Variants in IL1RAPL2 observed in about 807,000 individuals in gnomAD.
The protein encoded by IL1RAPL2 is interleukin 1 receptor accessory protein like 2, also known as X-linked interleukin-1 receptor accessory protein-like 2.
In IL1RAPL2, 3 loss-of-function variants were observed where a neutral mutation model predicts 44.1. The ratio of observed to expected loss-of-function variants is 0.07; its 90% CI spans 0.03 to 0.18. IL1RAPL2 has a LOEUF of 0.18. Ranked by LOEUF, IL1RAPL2 falls within the 10% of genes least tolerant of loss-of-function variation. The pLI is 1.00. For synonymous variants in IL1RAPL2, 181 were observed against 178.8 expected (o/e 1.01, Z -0.10); for missense variants, 391 against 496.4 (o/e 0.79, Z 2.02).
intron 3 of IL1RAPL2, among the ~76,000 whole-genome samples, chrX:105,197,124 C>T (rs1295259750): frequency 9.0e-6 from 1 of 110,856 alleles, no homozygotes; most frequent in East Asian, 2.8e-4. Flanking sequence ...TGAGTTTAGT[C>T]TCTGTTTGTG....
chrX:105,087,182 G>A (rs1057486816), intron 2 of IL1RAPL2, among the ~76,000 whole-genome samples: 5 of 111,343 alleles, frequency 4.5e-5, no homozygotes, highest in Non-Finnish European at 3.8e-5. Context: ...ACTAATTTTG[G>A]ATCTTCATCC....
intron 3 of IL1RAPL2, among the ~76,000 whole-genome samples, chrX:105,231,915 T>C (rs1444392371): frequency 8.9e-6 from 1 of 112,298 alleles, no homozygotes; most frequent in Non-Finnish European, 1.9e-5. Context: ...CCTTCTTCTC[T>C]GAGATTACTA....
chrX:104,680,433 G>T (rs1383203436), intron 2 of IL1RAPL2, among the ~76,000 whole-genome samples: 1 of 111,110 alleles, frequency 9.0e-6, no homozygotes, highest in Non-Finnish European at 1.9e-5. Context: ...CTCAATCAGG[G>T]ATAACTTTAT....
At chrX:105,140,090 T>G (rs2033113311) in intron 2 of IL1RAPL2, among the ~76,000 whole-genome samples, 1 of 112,224 alleles carries the variant, frequency 8.9e-6, no homozygotes, top group Non-Finnish European at 1.9e-5. Flanking sequence ...CTGAGGAAGT[T>G]TATAGTTCAA....
Position 104,592,147 on chromosome X carries a change from G to A in IL1RAPL2, c.-20+25096G>A, listed in dbSNP as rs12556831. Among the ~76,000 whole-genome samples, 61 of 39,967 alleles carry A rather than the reference G, an allele frequency of 1.5e-3. 1 individual carries two copies. The highest frequency in any genetic ancestry group is 2.1e-3 in the Non-Finnish European group (49 of 23,556). The allele number at this position is 39,967 out of a possible 115,157, so 34.7% of individuals were successfully genotyped here. On this transcript the variant is annotated intron_variant, in intron 1 of 10. Coordinates refer to ENST00000372582, the MANE Select transcript of IL1RAPL2 (RefSeq NM_017416.2). ...ATGATTTTTTTTAATGCCCGTATAT[G>A]TGTGTGTGTGTGTGTGTGTGTGTGT...
intron 1 of IL1RAPL2, chrX:104,647,452 C>A (rs1930063251): frequency 3.3e-6 from 2 of 608,675 alleles, no homozygotes; most frequent in Non-Finnish European, 5.6e-6. Flanking sequence ...CTTTGGCTTC[C>A]ACTGCTTCTG....
intron 5 of IL1RAPL2, among the ~76,000 whole-genome samples, chrX:105,314,586 C>A (rs1413280315): frequency 1.8e-5 from 2 of 111,492 alleles, no homozygotes; most frequent in Admixed American, 9.6e-5. Context: ...TTATACCACA[C>A]CTAATTTCCC....
intron 6 of IL1RAPL2, among the ~76,000 whole-genome samples, chrX:105,577,614 T>C (rs1444722965): frequency 9.0e-6 from 1 of 110,787 alleles, no homozygotes; most frequent in Non-Finnish European, 1.9e-5. Flanking sequence ...ATTGACAGCA[T>C]ATTTTCCAGA....
chrX:105,729,092 T>TTGTC (rs1349646830), intron 7 of IL1RAPL2, among the ~76,000 whole-genome samples: 1 of 111,471 alleles, frequency 9.0e-6, no homozygotes, highest in African/African-American at 3.3e-5. Flanking sequence ...TAATATTTTA[T>TTGTC]TGTCTGGATG....
In IL1RAPL2 at chrX:105,245,807, A is replaced by G. The variant is rs779949623; in HGVS notation, c.543+11803A>G. Among the ~76,000 whole-genome samples, 5 of 112,605 alleles carry G rather than the reference A, an allele frequency of 4.4e-5. No homozygotes were observed. The East Asian group carries it at 1.4e-3, about 32-fold the overall frequency. On this transcript the variant is annotated intron_variant, in intron 4 of 10. Transcript: ENST00000372582. Reference sequence around the variant, plus strand: ...ACACTTTGGAGTGAAACACTCATCTATGTGATTAGTTACCTCAGTTGGTAA... The same window carrying G: ...ACACTTTGGAGTGAAACACTCATCTGTGTGATTAGTTACCTCAGTTGGTAA...
intron 5 of IL1RAPL2, among the ~76,000 whole-genome samples, chrX:105,409,444 C>A (rs1430230746): frequency 8.9e-6 from 1 of 111,772 alleles, no homozygotes; most frequent in African/African-American, 3.3e-5. Context: ...CATCTCTGCT[C>A]TCACAAAGAT....
chrX:104,896,514 G>T (rs1262537282), intron 2 of IL1RAPL2, among the ~76,000 whole-genome samples: 1 of 111,664 alleles, frequency 9.0e-6, no homozygotes, highest in Non-Finnish European at 1.9e-5. Flanking sequence ...AGGCAGCTGG[G>T]CTTCTGGGTT....
At chrX:105,662,113 A>G (rs1367514594) in intron 6 of IL1RAPL2, among the ~76,000 whole-genome samples, 3 of 112,109 alleles carry the variant, frequency 2.7e-5, no homozygotes, top group South Asian at 3.7e-4. Context: ...AAAATCTTCA[A>G]TCAGTGTTTA....
chrX:105,254,253 A>G (rs1249799816), intron 4 of IL1RAPL2, among the ~76,000 whole-genome samples: 1 of 111,853 alleles, frequency 8.9e-6, no homozygotes, highest in Non-Finnish European at 1.9e-5. Context: ...TCCGACTAGT[A>G]TGAGATAGTA....
At chrX:104,967,369 GA>G (rs1429985866) in intron 2 of IL1RAPL2, among the ~76,000 whole-genome samples, 2 of 110,723 alleles carry the variant, frequency 1.8e-5, no homozygotes, top group Non-Finnish European at 3.8e-5. Flanking sequence ...AGTGAAAGAT[GA>G]AAAAAAGTAC....
intron 2 of IL1RAPL2, among the ~76,000 whole-genome samples, chrX:105,081,787 C>A: frequency 8.9e-6 from 1 of 111,843 alleles, no homozygotes. Flanking sequence ...TATTGATTTG[C>A]ATATGTTGAA....
chrX:104,588,951 T>C (rs758553113), intron 1 of IL1RAPL2, among the ~76,000 whole-genome samples: 15 of 112,158 alleles, frequency 1.3e-4, no homozygotes, highest in Non-Finnish European at 2.6e-4. Context: ...GTTTAGTTTC[T>C]TCATTTTTGT....
intron 5 of IL1RAPL2, among the ~76,000 whole-genome samples, chrX:105,335,074 A>G (rs183342945): frequency 1.3e-3 from 148 of 111,136 alleles, no homozygotes; most frequent in Middle Eastern, 9.3e-3. Flanking sequence ...TAAACCTGTG[A>G]CTGCTCAGGC....
At chrX:104,704,530 A>G (rs1194899547) in intron 2 of IL1RAPL2, among the ~76,000 whole-genome samples, 1 of 111,536 alleles carries the variant, frequency 9.0e-6, no homozygotes, top group East Asian at 2.8e-4. Context: ...ATTATCTGCT[A>G]TAATGGACTG....
Sources: allele counts gnomAD v4.1 joint callset (sites outside exome capture counted in the v4.1 genomes callset), GRCh38; gene constraint gnomAD v4.1.1; transcripts MANE v1.5; gene names NCBI Gene and HGNC (gene_info 2026-07-23, HGNC 2026-07-21).